Variants in HIVEP3 observed in about 807,000 individuals in gnomAD.
The protein encoded by HIVEP3 is HIVEP zinc finger 3, also known as transcription factor HIVEP3.
HIVEP3 carries 49 observed loss-of-function variants against 152.8 expected under a neutral mutation model. The ratio of observed to expected loss-of-function variants is 0.32; its 90% CI spans 0.26 to 0.41. HIVEP3 has a LOEUF of 0.41. Among genes scored for constraint, HIVEP3 ranks in the 10% least tolerant of loss-of-function variants. The pLI is 1.00. For synonymous variants in HIVEP3, 1,269 were observed against 1,289.0 expected (o/e 0.98, Z 0.33); for missense variants, 2,790 against 3,103.3 (o/e 0.90, Z 2.40).
intron 6 of HIVEP3, among the ~76,000 whole-genome samples, chr1:41,518,928 T>C (rs1642684977): frequency 6.6e-6 from 1 of 150,912 alleles, no homozygotes; most frequent in Non-Finnish European, 1.5e-5. Flanking sequence ...GAGGCTCCCA[T>C]TGACCGGCAT....
At chr1:41,849,395 C>T (rs1260721156) in intron 1 of HIVEP3, among the ~76,000 whole-genome samples, 1 of 152,204 alleles carries the variant, frequency 6.6e-6, no homozygotes, top group Non-Finnish European at 1.5e-5. Context: ...TTACATCAGT[C>T]TCCCCAGAAG....
chr1:41,830,827 C>A (rs1290701421), intron 1 of HIVEP3, among the ~76,000 whole-genome samples: 1 of 152,154 alleles, frequency 6.6e-6, no homozygotes, highest in Non-Finnish European at 1.5e-5. Context: ...CAACCTGTGA[C>A]AGTGGGTACC....
intron 1 of HIVEP3, among the ~76,000 whole-genome samples, chr1:42,012,603 T>C (rs985033771): frequency 6.6e-6 from 1 of 152,048 alleles, no homozygotes; most frequent in African/African-American, 2.4e-5. Context: ...GACAAGAGAA[T>C]TGCTTGAACC....
At chr1:41,860,085 C>A (rs147034646) in intron 1 of HIVEP3, among the ~76,000 whole-genome samples, 3 of 152,256 alleles carry the variant, frequency 2.0e-5, no homozygotes, top group African/African-American at 4.8e-5. Flanking sequence ...AGATGGCTTG[C>A]GGATCAACAA....
intron 3 of HIVEP3, among the ~76,000 whole-genome samples, chr1:41,599,497 A>T (rs1369150840): frequency 1.3e-5 from 2 of 152,230 alleles, no homozygotes; most frequent in East Asian, 3.8e-4. Context: ...TTGGGAGAGG[A>T]TATTTGCAAC....
chr1:41,674,655 G>T (rs1382523469), intron 2 of HIVEP3, among the ~76,000 whole-genome samples: 1 of 152,164 alleles, frequency 6.6e-6, no homozygotes, highest in African/African-American at 2.4e-5. Flanking sequence ...TTTGTCCAGG[G>T]TTATCCCAGC....
chr1:41,919,030 T>C (rs1260570670), upstream of HIVEP3, among the ~76,000 whole-genome samples: 6 of 152,190 alleles, frequency 3.9e-5, no homozygotes, highest in Non-Finnish European at 8.8e-5. Flanking sequence ...AAAGGCACAG[T>C]AGGCTTGCAC....
rs1557463026 is a variant in HIVEP3, at chr1:41,865,801, C to CAAA, written c.-801+52611_-801+52612insTTT. On this transcript the variant is annotated intron_variant, in intron 1 of 8. Transcript: ENST00000372583. Reference sequence around the variant, plus strand: ...CAATAGCAAGAAGGAGGACAAAGTGCAACAGCTTTAACTATGAGCTAATAC... The same window carrying CAAA: ...CAATAGCAAGAAGGAGGACAAAGTGCAAAAACAGCTTTAACTATGAGCTAATAC... Among the ~76,000 whole-genome samples the CAAA allele has an allele frequency of 2.2e-4, 33 of 152,090 alleles. 1 individual carries two copies. Among genetic ancestry groups the CAAA allele is most frequent in the African/African-American group, 8.0e-4 (33 of 41,380 alleles).
chr1:42,008,721 A>T (rs2124528242), intron 1 of HIVEP3, among the ~76,000 whole-genome samples: 1 of 152,332 alleles, frequency 6.6e-6, no homozygotes, highest in East Asian at 1.9e-4. Context: ...TTAATTGTTC[A>T]CATGGCTGGT....
intron 1 of HIVEP3, among the ~76,000 whole-genome samples, chr1:42,006,837 G>A (rs571235224): frequency 7.9e-5 from 12 of 152,298 alleles, no homozygotes; most frequent in Admixed American, 2.6e-4. Flanking sequence ...GACCCCCAGG[G>A]ACCCCTAGAT....
rs767151207 is a variant in HIVEP3, at chr1:41,579,776, C to A, written c.5022G>T (p.Arg1674Ser). The change falls in exon 4 of 9, where the codon AGG becomes AGT. Residue 1674 changes from arginine to serine, a missense_variant. Coordinates refer to ENST00000372583, the MANE Select transcript of HIVEP3 (RefSeq NM_024503.5). Reference sequence around the variant, plus strand: ...GCTTGCGGGAGCTGGATGGCACAAGCCTTCCTGCCTCAGGATGCGGAGCTG... The same window carrying A: ...GCTTGCGGGAGCTGGATGGCACAAGACTTCCTGCCTCAGGATGCGGAGCTG... ...MATAPHPEAG[R>S]LVPSSSRKPR... 57 of 1,600,574 alleles carry A rather than the reference C, an allele frequency of 3.6e-5. No homozygotes were observed. In the East Asian group the frequency reaches 1.2e-3, roughly 34 times the overall value.
intron 1 of HIVEP3, among the ~76,000 whole-genome samples, chr1:41,838,221 T>C (rs1006449490): frequency 2.6e-5 from 4 of 152,148 alleles, no homozygotes; most frequent in Non-Finnish European, 5.9e-5. Flanking sequence ...AACGGTAACA[T>C]CTTGCAACAC....
At chr1:41,622,915 C>T (rs1461624825) in intron 3 of HIVEP3, among the ~76,000 whole-genome samples, 1 of 152,226 alleles carries the variant, frequency 6.6e-6, no homozygotes, top group Non-Finnish European at 1.5e-5. Context: ...GCCCTTTACA[C>T]ATATTCATTT....
chr1:41,808,824 T>C (rs186899342), intron 1 of HIVEP3, among the ~76,000 whole-genome samples: 1 of 152,364 alleles, frequency 6.6e-6, no homozygotes, highest in East Asian at 1.9e-4. Flanking sequence ...GGATGGAGCC[T>C]GCAGTTCTTA....
chr1:41,681,322 G>C (rs954055486), intron 2 of HIVEP3, among the ~76,000 whole-genome samples: 3 of 152,182 alleles, frequency 2.0e-5, no homozygotes, highest in Non-Finnish European at 1.5e-5. Flanking sequence ...TTGAACTCCT[G>C]AGCTCAAGTA....
intron 5 of HIVEP3, among the ~76,000 whole-genome samples, chr1:41,553,485 T>A (rs541464681): frequency 2.9e-4 from 44 of 152,370 alleles, no homozygotes; most frequent in Admixed American, 1.2e-3. Context: ...AATTGGGGCA[T>A]TTAGCCCATT....
intron 5 of HIVEP3, among the ~76,000 whole-genome samples, chr1:41,574,317 C>G (rs1644295185): frequency 6.6e-6 from 1 of 152,172 alleles, no homozygotes; most frequent in Non-Finnish European, 1.5e-5. Flanking sequence ...CGTCCCTCCC[C>G]ACACGGAAAG....
chr1:41,735,985 T>C (rs1646912840), intron 1 of HIVEP3, among the ~76,000 whole-genome samples: 1 of 151,958 alleles, frequency 6.6e-6, no homozygotes, highest in Admixed American at 6.6e-5. Context: ...ACCATCAAAG[T>C]GACAACCCAT....
intron 5 of HIVEP3, among the ~76,000 whole-genome samples, chr1:41,534,659 A>G (rs578093933): frequency 1.8e-4 from 28 of 152,338 alleles, no homozygotes; most frequent in South Asian, 6.2e-4. Flanking sequence ...CAGGTGCCCA[A>G]TACATATTCA....
Sources: allele counts gnomAD v4.1 joint callset (sites outside exome capture counted in the v4.1 genomes callset), GRCh38; gene constraint gnomAD v4.1.1; transcripts MANE v1.5; gene names NCBI Gene and HGNC (gene_info 2026-07-23, HGNC 2026-07-21).